Variants in FRMD4A observed in about 807,000 individuals in gnomAD.
The protein encoded by FRMD4A is FERM domain containing 4A.
Under a neutral mutation model 129.1 loss-of-function variants are expected in FRMD4A, and 29 were observed. The ratio of observed to expected loss-of-function variants is 0.22; its 90% confidence interval spans 0.17 to 0.31. The LOEUF (loss-of-function observed/expected upper bound fraction) is 0.31, where lower values mean the gene tolerates loss of function less well. FRMD4A is among the 10% of genes least tolerant of loss of function. The pLI is 1.00. For missense variants in FRMD4A, 1,272 were observed against 1,375.8 expected (o/e 0.92, Z 1.19); for synonymous variants, 634 against 571.6 (o/e 1.11, Z -1.56).
intron 2 of FRMD4A, among the ~76,000 whole-genome samples, chr10:13,922,906 C>T (rs1203713722): frequency 1.3e-5 from 2 of 152,140 alleles, no homozygotes; most frequent in East Asian, 3.8e-4. Context: ...AGACTGTATT[C>T]AAATGGCAGG....
At chr10:13,854,466 G>T (rs1188204034) in intron 3 of FRMD4A, among the ~76,000 whole-genome samples, 1 of 152,120 alleles carries the variant, frequency 6.6e-6, no homozygotes. Context: ...TGTCGCCCAG[G>T]CTGGAGTGCA....
At chr10:13,694,117 C>A in intron 14 of FRMD4A, 78 bp from the exon 15 acceptor site, 2 of 1,240,802 alleles carry the variant, frequency 1.6e-6, no homozygotes, top group South Asian at 3.2e-5. Context: ...CCCGCGCCTG[C>A]TCACCGTCTT....
At chr10:14,259,331 C>A (rs962572768) in intron 2 of FRMD4A, among the ~76,000 whole-genome samples, 29 of 152,184 alleles carry the variant, frequency 1.9e-4, no homozygotes, top group Non-Finnish European at 3.5e-4. Flanking sequence ...TGTAAACACA[C>A]CATTCACTAT....
intron 2 of FRMD4A, among the ~76,000 whole-genome samples, chr10:13,918,424 C>T (rs1370781031): frequency 1.3e-5 from 2 of 151,942 alleles, no homozygotes; most frequent in East Asian, 1.9e-4. Context: ...TAGAGTGGTT[C>T]ATTTATTTAT....
intron 2 of FRMD4A, among the ~76,000 whole-genome samples, chr10:14,047,420 A>G (rs1834035692): frequency 1.3e-5 from 2 of 152,064 alleles, no homozygotes; most frequent in Admixed American, 1.3e-4. Context: ...GCCTACTGGT[A>G]TGTGATCCAC....
intron 5 of FRMD4A, among the ~76,000 whole-genome samples, chr10:13,787,267 G>A (rs1377533058): frequency 6.6e-6 from 1 of 152,154 alleles, no homozygotes; most frequent in African/African-American, 2.4e-5. Flanking sequence ...TGTTAGGGGA[G>A]GGTATGGAGC....
At chr10:13,850,169 A>G (rs978253790) in intron 3 of FRMD4A, among the ~76,000 whole-genome samples, 2 of 152,030 alleles carry the variant, frequency 1.3e-5, no homozygotes, top group Non-Finnish European at 2.9e-5. Flanking sequence ...AGATTACACC[A>G]CTGCACCCCA....
chr10:14,035,647 T>A (rs1033667710), intron 2 of FRMD4A, among the ~76,000 whole-genome samples: 1 of 152,084 alleles, frequency 6.6e-6, no homozygotes, highest in South Asian at 2.1e-4. Flanking sequence ...ATAACGGAGA[T>A]CAGGAAAGGG....
At position 14,128,058 on chromosome 10, in the gene FRMD4A, T is replaced by TTCTTTCTC. The variant is rs1220383415; in HGVS notation, c.45+201999_45+202000insGAGAAAGA. On this transcript the variant is annotated intron_variant, in intron 2 of 24. Coordinates refer to ENST00000357447, the MANE Select transcript of FRMD4A (RefSeq NM_018027.5). ...TTCCTTTCTTTCCCTCTTTCTTTCT[T>TTCTTTCTC]TCTTTCTTTCTTTCTTTCTTTCTTT... is the stretch of plus-strand genomic sequence containing the variant. Among the ~76,000 whole-genome samples, 30 of 43,100 alleles carry TTCTTTCTC rather than the reference T, an allele frequency of 7.0e-4. 1 individual carries two copies. The highest frequency in any genetic ancestry group is 3.0e-3 in the African/African-American group (30 of 9,986). 28.3% of individuals were successfully genotyped at this position (43,100 alleles called of 152,430 possible). A position where few individuals can be genotyped will look rare whatever the true frequency, so the allele number is the denominator to read the frequency against.
chr10:14,255,775 G>A (rs1844590002), intron 2 of FRMD4A, among the ~76,000 whole-genome samples: 2 of 152,124 alleles, frequency 1.3e-5, no homozygotes, highest in East Asian at 3.8e-4. Context: ...CGAGGCCGAG[G>A]CAGGTGGATC....
At chr10:13,659,719 G>A (rs146547905) in intron 20 of FRMD4A, among the ~76,000 whole-genome samples, 64 of 151,758 alleles carry the variant, frequency 4.2e-4, no homozygotes, top group African/African-American at 1.6e-3. Flanking sequence ...AGCCTTCTCT[G>A]TGTCAGGCAG....
Position 14,034,718 on chromosome 10 carries a change from C to T in FRMD4A, c.46-175806G>A, listed in dbSNP as rs148563339. Reference sequence around the variant, plus strand: ...TGGTCCAGTTTAGCTCAAAGAGAGACGGATGTCCAGTGACCTAAATTTATC... The same window carrying T: ...TGGTCCAGTTTAGCTCAAAGAGAGATGGATGTCCAGTGACCTAAATTTATC... On this transcript the variant is annotated intron_variant, in intron 2 of 24. Transcript: ENST00000357447. 3.2e-4 allele frequency among the ~76,000 whole-genome samples: 49 copies of T among 152,302 alleles called. 2 individuals are homozygous for T. In the East Asian group the frequency reaches 7.3e-3, roughly 23 times the overall value.
At chr10:14,053,215 T>C (rs1047212383) in intron 2 of FRMD4A, among the ~76,000 whole-genome samples, 1 of 152,226 alleles carries the variant, frequency 6.6e-6, no homozygotes, top group Non-Finnish European at 1.5e-5. Flanking sequence ...AAAGAGGTCA[T>C]ACACCTGTTG....
At chr10:14,075,510 C>T (rs146235559) in intron 2 of FRMD4A, among the ~76,000 whole-genome samples, 1 of 152,326 alleles carries the variant, frequency 6.6e-6, no homozygotes, top group East Asian at 1.9e-4. Context: ...GTCGTTGCTC[C>T]TTCCAACATA....
intron 2 of FRMD4A, among the ~76,000 whole-genome samples, chr10:14,201,771 T>C (rs932255394): frequency 6.6e-6 from 1 of 152,174 alleles, no homozygotes; most frequent in African/African-American, 2.4e-5. Context: ...AATGACTTTA[T>C]TGTGGGGGCT....
intron 2 of FRMD4A, among the ~76,000 whole-genome samples, chr10:14,250,616 C>T (rs1844405090): frequency 6.6e-6 from 1 of 152,174 alleles, no homozygotes; most frequent in African/African-American, 2.4e-5. Context: ...CTCTGTGGGG[C>T]CAAAAATCAA....
chr10:14,078,819 G>A (rs1460033199), intron 2 of FRMD4A, among the ~76,000 whole-genome samples: 1 of 152,154 alleles, frequency 6.6e-6, no homozygotes, highest in African/African-American at 2.4e-5. Context: ...CCTGCCCTGG[G>A]CTGCCTTGTG....
chr10:13,917,284 A>ATTTTTTTT (rs34360967), intron 2 of FRMD4A, among the ~76,000 whole-genome samples: 2 of 141,464 alleles, frequency 1.4e-5, no homozygotes, highest in Non-Finnish European at 3.0e-5. Flanking sequence ...TCCATCACAG[A>ATTTTTTTT]TTTTTTTTTT....
intron 2 of FRMD4A, among the ~76,000 whole-genome samples, chr10:14,046,774 C>G (rs995669411): frequency 4.6e-5 from 7 of 152,126 alleles, no homozygotes; most frequent in African/African-American, 1.7e-4. Flanking sequence ...CCTGGAGCAG[C>G]CTGAAGACTG....
Sources: allele counts gnomAD v4.1 joint callset (sites outside exome capture counted in the v4.1 genomes callset), GRCh38; gene constraint gnomAD v4.1.1; transcripts MANE v1.5; gene names NCBI Gene and HGNC (gene_info 2026-07-23, HGNC 2026-07-21).